Variants in SH3D19 observed in about 807,000 individuals in gnomAD.
The protein encoded by SH3D19 is SH3 domain containing 19.
Under a neutral mutation model 112.1 loss-of-function variants are expected in SH3D19, and 58 were observed. That is an observed-to-expected ratio of 0.52 (90% confidence interval 0.42 to 0.64). The LOEUF (loss-of-function observed/expected upper bound fraction) is 0.64, where lower values mean the gene tolerates loss of function less well. Ranked by LOEUF, SH3D19 falls within the 30% of genes least tolerant of loss-of-function variation. The pLI is 0.00. For missense variants in SH3D19, 1,090 were observed against 1,263.4 expected (o/e 0.86, Z 2.08); for synonymous variants, 391 against 448.5 (o/e 0.87, Z 1.62).
chr4:151,165,298 T>G (rs1757814226), intron 8 of SH3D19, among the ~76,000 whole-genome samples: 1 of 151,074 alleles, frequency 6.6e-6, no homozygotes, highest in African/African-American at 2.4e-5. Flanking sequence ...GCTGAGATTG[T>G]GCCACTGCAC....
At chr4:151,260,472 C>A (rs1212985458) in intron 1 of SH3D19, among the ~76,000 whole-genome samples, 1 of 152,200 alleles carries the variant, frequency 6.6e-6, no homozygotes, top group Non-Finnish European at 1.5e-5. Context: ...CCCTCACCTT[C>A]CACATGCAAT....
intron 1 of SH3D19, among the ~76,000 whole-genome samples, chr4:151,322,137 T>C (rs1443033699): frequency 2.6e-5 from 4 of 152,136 alleles, no homozygotes; most frequent in Non-Finnish European, 4.4e-5. Context: ...ATCTCATGCA[T>C]CATGAGCTAC....
chr4:151,135,420 C>T (rs1269295807), intron 14 of SH3D19, among the ~76,000 whole-genome samples: 3 of 92,884 alleles, frequency 3.2e-5, no homozygotes, highest in Non-Finnish European at 6.5e-5. Context: ...TTCTCTATCT[C>T]ATTTTTTTTT....
chr4:151,131,690 G>A (rs966189258), intron 17 of SH3D19, among the ~76,000 whole-genome samples: 4 of 151,860 alleles, frequency 2.6e-5, no homozygotes, highest in Non-Finnish European at 4.4e-5. Context: ...GGGTTTCACC[G>A]TGTTAGCCAG....
chr4:151,213,095 G>T (rs1766237684), intron 2 of SH3D19, among the ~76,000 whole-genome samples: 1 of 152,242 alleles, frequency 6.6e-6, no homozygotes, highest in South Asian at 2.1e-4. Flanking sequence ...TTCAGTGGAT[G>T]AGGAGTTCCT....
intron 1 of SH3D19, chr4:151,277,288 T>C (rs1561423051): frequency 6.9e-6 from 9 of 1,295,232 alleles, no homozygotes; most frequent in Non-Finnish European, 7.2e-6. Context: ...GGGCATCACA[T>C]AGAACAATGT....
chr4:151,230,010 A>T (rs1208643470), intron 1 of SH3D19, among the ~76,000 whole-genome samples: 6 of 152,216 alleles, frequency 3.9e-5, no homozygotes, highest in African/African-American at 1.4e-4. Flanking sequence ...GAGGGATGCA[A>T]TGGGGGAACC....
intron 17 of SH3D19, among the ~76,000 whole-genome samples, chr4:151,129,634 T>C (rs1307569824): frequency 6.6e-6 from 1 of 152,172 alleles, no homozygotes; most frequent in African/African-American, 2.4e-5. Flanking sequence ...CCTCCCAAGG[T>C]GCTGGGATTA....
intron 9 of SH3D19, among the ~76,000 whole-genome samples, chr4:151,157,653 A>C (rs1756374655): frequency 6.6e-6 from 1 of 152,228 alleles, no homozygotes; most frequent in African/African-American, 2.4e-5. Flanking sequence ...TTACTGCAGC[A>C]CTACTCACAA....
chr4:151,318,566 G>A (rs1420732218), intron 1 of SH3D19, among the ~76,000 whole-genome samples: 1 of 152,020 alleles, frequency 6.6e-6, no homozygotes, highest in Non-Finnish European at 1.5e-5. Flanking sequence ...ATTCCCAAGT[G>A]AAGAAAATGC....
chr4:151,201,630 A>G (rs2149886853), intron 2 of SH3D19, among the ~76,000 whole-genome samples: 1 of 152,364 alleles, frequency 6.6e-6, no homozygotes, highest in Admixed American at 6.5e-5. Flanking sequence ...TTTAAAAAAT[A>G]GTATCACAAA....
At chr4:151,280,594 T>C (rs1774120169) in intron 1 of SH3D19, among the ~76,000 whole-genome samples, 1 of 152,120 alleles carries the variant, frequency 6.6e-6, no homozygotes, top group Non-Finnish European at 1.5e-5. Flanking sequence ...ACAACAGAAA[T>C]TAAAATTCCA....
chr4:151,138,260 G>C (rs1033934723), intron 13 of SH3D19, among the ~76,000 whole-genome samples: 1 of 152,020 alleles, frequency 6.6e-6, no homozygotes, highest in Admixed American at 6.6e-5. Flanking sequence ...TTAACTAAGG[G>C]AGTACTACAA....
chr4:151,161,671 T>C (rs1020915338), intron 8 of SH3D19, among the ~76,000 whole-genome samples: 16 of 150,226 alleles, frequency 1.1e-4, no homozygotes, highest in Admixed American at 4.6e-4. Flanking sequence ...CTAGGGTACA[T>C]GTGCACAACG....
chr4:151,257,859 C>T (rs144924186), intron 1 of SH3D19, among the ~76,000 whole-genome samples: 72 of 152,082 alleles, frequency 4.7e-4, no homozygotes, highest in African/African-American at 1.7e-3. Flanking sequence ...CAGTATGCTA[C>T]GATCATGCCA....
At chr4:151,278,844 G>T (rs1354358702) in intron 1 of SH3D19, among the ~76,000 whole-genome samples, 1 of 152,104 alleles carries the variant, frequency 6.6e-6, no homozygotes, top group Non-Finnish European at 1.5e-5. Flanking sequence ...TGTTGCCCAG[G>T]CTGGTTTTGA....
Position 151,132,703 on chromosome 4 carries a change from A to G in SH3D19, c.2690-320T>C, listed in dbSNP as rs183818493. Among the ~76,000 whole-genome samples the G allele has an allele frequency of 3.5e-3, 540 of 152,302 alleles. 4 individuals are homozygous for G. Among genetic ancestry groups the G allele is most frequent in the African/African-American group, 0.012 (509 of 41,558 alleles). On this transcript the variant is annotated intron_variant, in intron 16 of 19. Coordinates refer to ENST00000604030, the MANE Select transcript of SH3D19 (RefSeq NM_001378122.1). ...CAGGCTGGAGTGCAGTGGTACAATCATAGCTCACTGCAGCCTTGAACTCCT... is the reference window on the plus strand; with the variant it reads ...CAGGCTGGAGTGCAGTGGTACAATCGTAGCTCACTGCAGCCTTGAACTCCT...
At chr4:151,320,618 G>A (rs1299397373) in intron 1 of SH3D19, among the ~76,000 whole-genome samples, 1 of 152,142 alleles carries the variant, frequency 6.6e-6, no homozygotes, top group Admixed American at 6.6e-5. Context: ...GGAGGTGGAA[G>A]AAGATATTTG....
chr4:151,324,209 T>G (rs1314522389), intron 1 of SH3D19, among the ~76,000 whole-genome samples: 1 of 152,194 alleles, frequency 6.6e-6, no homozygotes, highest in Non-Finnish European at 1.5e-5. Flanking sequence ...TTCTCAAGTT[T>G]TCCTTTCATC....
Sources: allele counts gnomAD v4.1 joint callset (sites outside exome capture counted in the v4.1 genomes callset), GRCh38; gene constraint gnomAD v4.1.1; transcripts MANE v1.5; gene names NCBI Gene and HGNC (gene_info 2026-07-23, HGNC 2026-07-21).